Variants in CFAP54 observed in about 807,000 individuals in gnomAD.
CFAP54 encodes the protein cilia- and flagella-associated protein 54.
A neutral mutation model predicts 370.4 loss-of-function variants in CFAP54; 290 were observed. That is an observed-to-expected ratio of 0.78 (90% CI 0.71 to 0.86). The LOEUF (loss-of-function observed/expected upper bound fraction) is 0.86, where lower values mean the gene tolerates loss of function less well. Ranked by LOEUF, CFAP54 falls within the 40% of genes least tolerant of loss-of-function variation. The probability of loss-of-function intolerance (pLI) is 0.00; values close to 1 mark genes in which losing one functional copy is unlikely to be tolerated. For missense variants in CFAP54, 3,399 were observed against 3,528.7 expected (o/e 0.96, Z 0.93); for synonymous variants, 1,206 against 1,236.5 (o/e 0.98, Z 0.52).
intron 26 of CFAP54, among the ~76,000 whole-genome samples, chr12:96,603,747 C>T (rs1254913603): frequency 3.9e-5 from 6 of 152,252 alleles, no homozygotes; most frequent in East Asian, 1.9e-4. Context: ...TTGATCGAAT[C>T]GGCTACTGAA....
rs954994498 is a variant in CFAP54 at position 96,825,312 on chromosome 12, TATA to T, written c.9097-3698_9097-3696del. 1.3e-4 allele frequency among the ~76,000 whole-genome samples: 17 copies of T among 129,362 alleles called. 1 individual carries two copies. In the South Asian group the frequency reaches 3.5e-3, roughly 27 times the overall value. 84.9% of individuals were successfully genotyped at this position (129,362 alleles called of 152,430 possible). On this transcript the variant is annotated intron_variant, in intron 65 of 67. Transcript: ENST00000524981. ...ATAATATAATATATTATATATATAA[TATA>T]ATATATATTATATAACATGTTATAT...
chr12:96,695,579 CA>C (rs1339472195), intron 45 of CFAP54, among the ~76,000 whole-genome samples: 1 of 152,130 alleles, frequency 6.6e-6, no homozygotes, highest in Non-Finnish European at 1.5e-5. Flanking sequence ...CTCTTTTTTA[CA>C]AAAGATAATG....
chr12:96,740,154 G>T, intron 51 of CFAP54, 93 bp downstream of exon 51: 1 of 716,758 alleles, frequency 1.4e-6, no homozygotes. Context: ...ATGAAGCAAA[G>T]GAGTAAAGTA....
intron 65 of CFAP54, among the ~76,000 whole-genome samples, chr12:96,819,273 G>A (rs1464607731): frequency 6.6e-6 from 1 of 152,160 alleles, no homozygotes; most frequent in African/African-American, 2.4e-5. Context: ...ATTCATCATG[G>A]AACATCACCA....
chr12:96,676,447 C>T (rs1447016344), intron 39 of CFAP54, among the ~76,000 whole-genome samples: 2 of 152,162 alleles, frequency 1.3e-5, no homozygotes, highest in African/African-American at 4.8e-5. Flanking sequence ...TGTTAAAATC[C>T]TCACCCCTAA....
At chr12:96,754,005 A>G in intron 56 of CFAP54, 107 bp downstream of exon 56, 3 of 1,134,812 alleles carry the variant, frequency 2.6e-6, no homozygotes, top group Non-Finnish European at 1.2e-6. Context: ...AATTACAAAC[A>G]TACAAAGGGC....
At chr12:96,826,300 T>TAGAAGACA in intron 65 of CFAP54, among the ~76,000 whole-genome samples, 1 of 143,254 alleles carries the variant, frequency 7.0e-6, no homozygotes, top group African/African-American at 2.5e-5. Flanking sequence ...GACATATATA[T>TAGAAGACA]ATAGAAGACA....
chr12:96,708,745 A>G lies in CFAP54; in HGVS notation c.6666A>G (p.Glu2222=), dbSNP rs370471241. Residue 2222 remains glutamate (E), a synonymous_variant, in exon 48 of 68, where the codon GAA becomes GAG. Transcript: ENST00000524981. The part of the protein sequence containing the change: ...SVAATINCVP[E]NKFKTVITNK... ...CTGCGACAATAAATTGTGTCCCAGAAAATAAATTTAAGACAGTAATTACCA... is the reference window on the plus strand; with the variant it reads ...CTGCGACAATAAATTGTGTCCCAGAGAATAAATTTAAGACAGTAATTACCA... The G allele has an allele frequency of 3.3e-5, 54 of 1,612,152 alleles. No homozygotes were observed. The highest frequency in any genetic ancestry group is 1.6e-4 in the Middle Eastern group (1 of 6,072).
intron 46 of CFAP54, among the ~76,000 whole-genome samples, chr12:96,703,086 T>A (rs1453035750): frequency 4.6e-5 from 7 of 152,198 alleles, no homozygotes; most frequent in South Asian, 4.2e-4. Context: ...AAGGGAAAAA[T>A]TTTTAAAACA....
At chr12:96,798,869 T>A (rs558195241) in intron 63 of CFAP54, among the ~76,000 whole-genome samples, 1 of 152,338 alleles carries the variant, frequency 6.6e-6, no homozygotes, top group African/African-American at 2.4e-5. Flanking sequence ...TATCTCCTTA[T>A]AGATACTTTA....
At position 96,649,911 on chromosome 12, in the gene CFAP54, T is replaced by C. The variant is rs1363017068; in HGVS notation, c.4711T>C (p.Phe1571Leu). Residue 1571 changes from phenylalanine (F) to leucine (L), a missense_variant, in exon 35 of 68, where the codon TTT (phenylalanine) becomes CTT (leucine). This residue lies in a region of CFAP54 where 2,796 missense variants were observed against 2,869.7 expected (regional missense o/e 0.97). Transcript: ENST00000524981. ...TGTAGATGCTGAAGAATTTTCTACA[T>C]TTATTAATTCCATAATGAGTGATGA... ...LPSDAEEFSTFINSIMSDENM... is the reference protein window; with the variant it reads ...LPSDAEEFSTLINSIMSDENM... 1.3e-6 allele frequency: 2 copies of C among 1,597,642 alleles called. No homozygotes were observed. Among genetic ancestry groups the C allele is most frequent in the Non-Finnish European group, 1.7e-6 (2 of 1,172,522 alleles).
In CFAP54 at chr12:96,601,667, T is replaced by A. The variant is rs143902571; in HGVS notation, c.3639+2900T>A. 9.4e-3 allele frequency among the ~76,000 whole-genome samples: 1,433 copies of A among 152,328 alleles called. 52 individuals carry two copies. The East Asian group carries it at 0.097, about 10-fold the overall frequency. ...TTGATGTATTCAGAGATTCAACTTCTTCCTTGTTTAGTCCTGAGAGGGTGT... is the reference window on the plus strand; with the variant it reads ...TTGATGTATTCAGAGATTCAACTTCATCCTTGTTTAGTCCTGAGAGGGTGT... On this transcript the variant is annotated intron_variant, in intron 26 of 67. Transcript: ENST00000524981.
In CFAP54 at chr12:96,704,791, A is replaced by T. The variant is rs1373543007; in HGVS notation, c.6523A>T (p.Ile2175Leu). The change falls in exon 47 of 68, where the codon ATA becomes TTA. Residue 2175 changes from isoleucine to leucine, a missense_variant. Ile to Leu is a conservative substitution (Grantham distance 5). Transcript: ENST00000524981. The part of the protein sequence containing the change: ...SGKLLTSKEN[I>L]QAIDELRNKG... ...AAAACTTCTTACCAGTAAAGAAAAT[A>T]TACAGGTAAGGATAATAATATTTTA... The T allele has an allele frequency of 9.0e-7, 1 of 1,116,008 alleles. No individual in the cohort carries two copies. Among genetic ancestry groups the T allele is most frequent in the Admixed American group, 2.4e-5 (1 of 41,310 alleles). 69.1% of individuals were successfully genotyped at this position (1,116,008 alleles called of 1,614,324 possible).
chr12:96,712,482 T>C (rs1565950820), intron 48 of CFAP54, among the ~76,000 whole-genome samples: 1 of 152,164 alleles, frequency 6.6e-6, no homozygotes, highest in Non-Finnish European at 1.5e-5. Flanking sequence ...ATCAGGGTAA[T>C]TGGGATATCC....
intron 15 of CFAP54, among the ~76,000 whole-genome samples, chr12:96,553,440 G>T (rs558591789): frequency 6.7e-6 from 1 of 149,838 alleles, no homozygotes; most frequent in South Asian, 2.1e-4. Flanking sequence ...CTACCTCTGG[G>T]GCAGAGAAGA....
At chr12:96,679,518 C>G in intron 39 of CFAP54, 82 bp from the exon 40 acceptor site, 1 of 1,420,576 alleles carries the variant, frequency 7.0e-7, no homozygotes. Flanking sequence ...CCAAGAAATT[C>G]TCTGAATTAT....
At chr12:96,629,952 C>A in intron 30 of CFAP54, 141 bp from the exon 31 acceptor site, 1 of 416,778 alleles carries the variant, frequency 2.4e-6, no homozygotes, top group Non-Finnish European at 4.3e-6. Context: ...ACAGAGATAT[C>A]ACAGTCAAAT....
chr12:96,869,253 A>G (rs920680324), intron 67 of CFAP54, among the ~76,000 whole-genome samples: 1 of 152,168 alleles, frequency 6.6e-6, no homozygotes, highest in Non-Finnish European at 1.5e-5. Flanking sequence ...TCTTAGAACA[A>G]TGTTGCTGGT....
At chr12:96,675,436 C>A (rs556852364) in intron 39 of CFAP54, among the ~76,000 whole-genome samples, 2 of 152,206 alleles carry the variant, frequency 1.3e-5, no homozygotes, top group African/African-American at 4.8e-5. Context: ...AGTCAGGAAA[C>A]GACAGGTGCT....
Sources: allele counts gnomAD v4.1 joint callset (sites outside exome capture counted in the v4.1 genomes callset), GRCh38; gene constraint gnomAD v4.1.1; regional missense constraint gnomAD v4.1.1; transcripts MANE v1.5; gene names NCBI Gene and HGNC (gene_info 2026-07-23, HGNC 2026-07-21).